Variants in ATRNL1 observed in about 807,000 individuals in gnomAD.
The protein encoded by ATRNL1 is attractin-like protein 1.
A neutral mutation model predicts 182.7 loss-of-function variants in ATRNL1; 95 were observed. That is an observed-to-expected ratio of 0.52 (90% CI 0.44 to 0.62). ATRNL1 has a LOEUF of 0.62. Ranked by LOEUF, ATRNL1 falls within the 20% of genes least tolerant of loss-of-function variation. The probability of loss-of-function intolerance (pLI) is 0.00; values close to 1 mark genes in which losing one functional copy is unlikely to be tolerated. For missense variants in ATRNL1, 1,471 were observed against 1,679.5 expected, an observed-to-expected ratio of 0.88 and a Z score of 2.17; for synonymous variants, 576 against 568.3, an observed-to-expected ratio of 1.01 and a Z score of -0.19.
intron 8 of ATRNL1, among the ~76,000 whole-genome samples, chr10:115,183,322 C>G (rs1847818380): frequency 6.6e-6 from 1 of 150,832 alleles, no homozygotes; most frequent in African/African-American, 2.4e-5. Context: ...AAAAGAATAG[C>G]TAAACCAACA....
At chr10:115,554,616 G>GAC (rs782790834) in intron 26 of ATRNL1, among the ~76,000 whole-genome samples, 7 of 150,912 alleles carry the variant, frequency 4.6e-5, no homozygotes, top group South Asian at 2.1e-4. Context: ...CAATAAGGCA[G>GAC]ACACACACAC....
intron 26 of ATRNL1, among the ~76,000 whole-genome samples, chr10:115,631,485 T>G (rs2769423): frequency 0.65 from 98,534 of 151,870 alleles, 35,000 homozygotes; most frequent in East Asian, 0.84. Context: ...CAATGTATGC[T>G]ATCATATGTA....
chr10:115,462,561 G>A (rs1253921420), intron 22 of ATRNL1, among the ~76,000 whole-genome samples: 10 of 152,040 alleles, frequency 6.6e-5, no homozygotes, highest in Non-Finnish European at 1.5e-4. Context: ...GCAGTGAGCC[G>A]AGATCACGCC....
At position 115,648,949 on chromosome 10, in the gene ATRNL1, T is replaced by C. The variant is rs187691915; in HGVS notation, c.3796-78299T>C. Reference sequence around the variant, plus strand: ...TCTTGAGTGAGAATCAGGTCTGTGTTCACCTCTAGCCTCTGTAACTCTCTA... The same window carrying C: ...TCTTGAGTGAGAATCAGGTCTGTGTCCACCTCTAGCCTCTGTAACTCTCTA... On this transcript the variant is annotated intron_variant, in intron 26 of 28. Coordinates refer to ENST00000355044, the MANE Select transcript of ATRNL1 (RefSeq NM_207303.4). Among the ~76,000 whole-genome samples, 571 of 152,246 alleles carry C rather than the reference T, an allele frequency of 3.8e-3. 2 individuals are homozygous for C. Among genetic ancestry groups the C allele is most frequent in the African/African-American group, 0.012 (496 of 41,574 alleles).
At chr10:115,578,502 T>A (rs1189513906) in intron 26 of ATRNL1, among the ~76,000 whole-genome samples, 1 of 151,652 alleles carries the variant, frequency 6.6e-6, no homozygotes, top group African/African-American at 2.4e-5. Flanking sequence ...TCCAGGAATT[T>A]ATTTCCTCTA....
chr10:115,105,867 G>A (rs1207826477), intron 1 of ATRNL1, among the ~76,000 whole-genome samples: 3 of 152,192 alleles, frequency 2.0e-5, no homozygotes, highest in African/African-American at 7.2e-5. Flanking sequence ...GCAGGGGTGG[G>A]ACTCTCATGG....
At chr10:115,477,021 A>G (rs1461908429) in intron 24 of ATRNL1, among the ~76,000 whole-genome samples, 1 of 151,564 alleles carries the variant, frequency 6.6e-6, no homozygotes, top group Non-Finnish European at 1.5e-5. Flanking sequence ...GATGAGTAAT[A>G]TATTTCTCTG....
At chr10:115,184,216 A>G (rs1265949666) in intron 8 of ATRNL1, among the ~76,000 whole-genome samples, 1 of 151,524 alleles carries the variant, frequency 6.6e-6, no homozygotes, top group Non-Finnish European at 1.5e-5. Context: ...AGAAAATGGG[A>G]ATGGATGGCT....
chr10:115,286,266 G>A lies in ATRNL1; in HGVS notation c.2284G>A (p.Val762Ile). 6.3e-7 allele frequency: 1 copy of A among 1,598,336 alleles called. No individual in the cohort carries two copies. Among genetic ancestry groups the A allele is most frequent in the Non-Finnish European group, 8.6e-7 (1 of 1,166,678 alleles). The change falls in exon 15 of 29, where the codon GTC (valine) becomes ATC (isoleucine). Residue 762 changes from valine to isoleucine, a missense_variant. Val to Ile is a conservative substitution (Grantham distance 29, BLOSUM62 3). This residue lies in a region of ATRNL1 where 1,031 missense variants were observed against 1,156.0 expected (regional missense o/e 0.89). Coordinates refer to ENST00000355044, the MANE Select transcript of ATRNL1 (RefSeq NM_207303.4). Reference protein sequence around the residue: ...WSHIGDACLRVNSSRENYDNA... With the variant: ...WSHIGDACLRINSSRENYDNA... The stretch of plus-strand genomic sequence containing the variant: ...TCATATTGGGGATGCTTGTCTTAGA[G>A]TCAATTCCAGTAGAGAAAACTATGA...
At chr10:115,707,412 G>A (rs1946934814) in intron 26 of ATRNL1, among the ~76,000 whole-genome samples, 1 of 151,684 alleles carries the variant, frequency 6.6e-6, no homozygotes, top group Non-Finnish European at 1.5e-5. Flanking sequence ...CAATGATATG[G>A]AAATATAATT....
At chr10:115,772,597 C>CTGTGTGTGTGTGTGTGTGTG (rs57939999) in intron 27 of ATRNL1, among the ~76,000 whole-genome samples, 2 of 140,350 alleles carry the variant, frequency 1.4e-5, no homozygotes, top group Non-Finnish European at 3.1e-5. Flanking sequence ...TATACTCTGT[C>CTGTGTGTGTGTGTGTGTGTG]TGTGTGTGTG....
At chr10:115,212,423 G>T (rs1212775536) in intron 8 of ATRNL1, among the ~76,000 whole-genome samples, 1 of 151,520 alleles carries the variant, frequency 6.6e-6, no homozygotes, top group Non-Finnish European at 1.5e-5. Flanking sequence ...TTCAACCATT[G>T]TGGAAGACAC....
chr10:115,917,208 C>T (rs974139956), intron 28 of ATRNL1, among the ~76,000 whole-genome samples: 7 of 151,794 alleles, frequency 4.6e-5, no homozygotes, highest in African/African-American at 1.5e-4. Flanking sequence ...CGGTGGCTCG[C>T]GCCTGTAATC....
intron 26 of ATRNL1, among the ~76,000 whole-genome samples, chr10:115,593,541 A>G (rs1425436515): frequency 2.0e-5 from 3 of 152,214 alleles, no homozygotes; most frequent in East Asian, 1.9e-4. Flanking sequence ...GTATGCCCAC[A>G]TGGAGAAGAA....
chr10:115,802,021 A>AACTCACACACAC (rs1555084471), intron 27 of ATRNL1, among the ~76,000 whole-genome samples: 7 of 125,964 alleles, frequency 5.6e-5, no homozygotes, highest in African/African-American at 2.0e-4. Context: ...AAAAAAAAGA[A>AACTCACACACAC]ACACACACAC....
chr10:115,620,296 G>C lies in ATRNL1; in HGVS notation c.3795+70760G>C, dbSNP rs567489894. 2.6e-5 allele frequency among the ~76,000 whole-genome samples: 4 copies of C among 152,170 alleles called. No individual in the cohort carries two copies. In the East Asian group the frequency reaches 7.8e-4, roughly 30 times the overall value. On this transcript the variant is annotated intron_variant, in intron 26 of 28. Coordinates refer to ENST00000355044, the MANE Select transcript of ATRNL1 (RefSeq NM_207303.4). The stretch of plus-strand genomic sequence containing the variant: ...ATTACCTCAGGAATGACACCAAGCC[G>C]TTCATGAAGGTTCCATCCTCATGAC...
chr10:115,211,650 T>C (rs1009045337), intron 8 of ATRNL1, among the ~76,000 whole-genome samples: 2 of 151,932 alleles, frequency 1.3e-5, no homozygotes, highest in Admixed American at 6.6e-5. Context: ...TTAGAGTACA[T>C]GTGCACAATG....
At chr10:115,110,971 T>C (rs1004505345) in intron 1 of ATRNL1, among the ~76,000 whole-genome samples, 5 of 152,234 alleles carry the variant, frequency 3.3e-5, no homozygotes, top group Non-Finnish European at 5.9e-5. Context: ...AGGAAGATGC[T>C]CTGGCATTTT....
chr10:115,145,265 C>T (rs775344455), intron 5 of ATRNL1, among the ~76,000 whole-genome samples: 28 of 152,060 alleles, frequency 1.8e-4, no homozygotes, highest in Non-Finnish European at 3.5e-4. Flanking sequence ...CCTTTTCTGC[C>T]TCAACCATAG....
Sources: gnomAD v4.1 joint callset for allele counts (sites outside exome capture counted in the v4.1 genomes callset) on GRCh38, gnomAD v4.1.1 for gene constraint, gnomAD v4.1.1 regional missense constraint, MANE v1.5 for transcripts, NCBI Gene and HGNC (gene_info 2026-07-23, HGNC 2026-07-21) for gene names.